Variants in NEK7 observed in about 807,000 individuals in gnomAD.
NEK7 encodes the protein NIMA related kinase 7.
Under a neutral mutation model 44.6 loss-of-function variants are expected in NEK7, and 18 were observed. That is an observed-to-expected ratio of 0.40 (90% CI 0.28 to 0.60). The LOEUF (loss-of-function observed/expected upper bound fraction) is 0.60, where lower values mean the gene tolerates loss of function less well. Ranked by LOEUF, NEK7 falls within the 20% of genes least tolerant of loss-of-function variation. The pLI is 0.38. For synonymous variants in NEK7, 130 were observed against 121.1 expected (o/e 1.07, Z -0.48); for missense variants, 256 against 366.5 (o/e 0.70, Z 2.46).
At chr1:198,198,071 C>T (rs1665296985) in intron 1 of NEK7, 2 of 1,453,538 alleles carry the variant, frequency 1.4e-6, no homozygotes, top group Non-Finnish European at 1.8e-6. Context: ...AAGAAAGGGG[C>T]CTTGGGGAAA....
chr1:198,278,693 A>C (rs962941598), intron 6 of NEK7, among the ~76,000 whole-genome samples: 6 of 151,856 alleles, frequency 4.0e-5, no homozygotes, highest in African/African-American at 1.2e-4. Flanking sequence ...TTTTTTGAAA[A>C]TGGAAAACAA....
chr1:198,212,103 C>T (rs921995785), intron 1 of NEK7, among the ~76,000 whole-genome samples: 2 of 152,224 alleles, frequency 1.3e-5, no homozygotes, highest in Admixed American at 1.3e-4. Flanking sequence ...ATTCCTGATC[C>T]TGTCTCACAG....
At chr1:198,227,159 G>A (rs1666251298) in intron 1 of NEK7, among the ~76,000 whole-genome samples, 1 of 152,042 alleles carries the variant, frequency 6.6e-6, no homozygotes, top group South Asian at 2.1e-4. Context: ...GAGAATGATG[G>A]TTTCCAGCTT....
intron 1 of NEK7, among the ~76,000 whole-genome samples, chr1:198,221,677 C>T (rs1308060526): frequency 6.6e-6 from 1 of 151,732 alleles, no homozygotes; most frequent in Non-Finnish European, 1.5e-5. Context: ...AAGATGTCTA[C>T]AGATGTAGAT....
At chr1:198,311,798 A>G (rs191645445) in intron 9 of NEK7, among the ~76,000 whole-genome samples, 5,476 of 152,234 alleles carry the variant, frequency 0.036, 164 homozygotes, top group Middle Eastern at 0.051. Context: ...CCACTTGATC[A>G]TGGTGGATAA....
intron 9 of NEK7, 53 bp from the exon 10 acceptor site, chr1:198,319,359 C>T (rs1655470028): frequency 2.3e-6 from 3 of 1,307,644 alleles, no homozygotes; most frequent in Non-Finnish European, 2.2e-6. Context: ...TCTCAGTAAA[C>T]TAACCAAAAA....
chr1:198,252,573 G>A (rs9287138), intron 2 of NEK7, among the ~76,000 whole-genome samples: 10,154 of 28,400 alleles, frequency 0.36, 840 homozygotes, highest in East Asian at 0.55. Context: ...TATATAAAAA[G>A]TACATATATA....
rs34192199 is a variant in NEK7, at chr1:198,225,255, CAA to C, written c.-28-7284_-28-7283del. Among the ~76,000 whole-genome samples the C allele has an allele frequency of 1.1e-3, 140 of 133,112 alleles. 1 individual carries two copies. Among genetic ancestry groups the C allele is most frequent in the African/African-American group, 3.0e-3 (114 of 38,278 alleles). The allele number at this position is 133,112 out of a possible 152,430, so 87.3% of individuals were successfully genotyped here. On this transcript the variant is annotated intron_variant, in intron 1 of 9. Coordinates refer to ENST00000367385, the MANE Select transcript of NEK7 (RefSeq NM_133494.3). ...GATGACTTGAGAAGCGTGTAGGTTACAAAAAAAAAAAAAAATTCAGGTCTTGG... is the reference window on the plus strand; with the variant it reads ...GATGACTTGAGAAGCGTGTAGGTTACAAAAAAAAAAAAATTCAGGTCTTGG...
At chr1:198,183,478 C>T (rs1382023553) in intron 1 of NEK7, among the ~76,000 whole-genome samples, 5 of 152,068 alleles carry the variant, frequency 3.3e-5, no homozygotes, top group Admixed American at 1.3e-4. Flanking sequence ...AGGAGGTATT[C>T]TAGGATGATT....
At chr1:198,289,412 GTAAGTGGTACAGAATTT>G (rs753230858) in intron 7 of NEK7, among the ~76,000 whole-genome samples, 6 of 151,980 alleles carry the variant, frequency 3.9e-5, no homozygotes, top group Non-Finnish European at 5.9e-5. Context: ...TAGAGTTTCT[GTAAGTGGTACAGAATTT>G]TAAAGCAAAA....
intron 7 of NEK7, among the ~76,000 whole-genome samples, chr1:198,281,985 C>T (rs1558093240): frequency 1.3e-5 from 2 of 151,988 alleles, no homozygotes; most frequent in Non-Finnish European, 2.9e-5. Flanking sequence ...TTGAAAATTA[C>T]AAATACTAAA....
chr1:198,259,684 G>A lies in NEK7; in HGVS notation c.199-2891G>A, dbSNP rs779287542. Reference sequence around the variant, plus strand: ...TTCAAATTTTTCTGTTTCCATTAGTGTTTGTTTTATTGTTTAACATGTTGA... The same window carrying A: ...TTCAAATTTTTCTGTTTCCATTAGTATTTGTTTTATTGTTTAACATGTTGA... On this transcript the variant is annotated intron_variant, in intron 3 of 9. Coordinates refer to ENST00000367385, the MANE Select transcript of NEK7 (RefSeq NM_133494.3). Among the ~76,000 whole-genome samples the A allele has an allele frequency of 3.2e-4, 48 of 152,028 alleles. 1 individual carries two copies. Among genetic ancestry groups the A allele is most frequent in the Admixed American group, 5.2e-4 (8 of 15,244 alleles).
At chr1:198,252,688 G>GTGTT (rs373906388) in intron 2 of NEK7, among the ~76,000 whole-genome samples, 1 of 148,172 alleles carries the variant, frequency 6.7e-6, no homozygotes, top group African/African-American at 2.5e-5. Flanking sequence ...GTATGTTTAT[G>GTGTT]TATTAAAACA....
At chr1:198,268,762 C>T (rs1418069057) in intron 5 of NEK7, among the ~76,000 whole-genome samples, 1 of 152,108 alleles carries the variant, frequency 6.6e-6, no homozygotes, top group Non-Finnish European at 1.5e-5. Context: ...TTTGTGTATT[C>T]ACATATCCCA....
At position 198,319,426 on chromosome 1, in the gene NEK7, T is replaced by C; in HGVS notation, c.813T>C (p.Val271=). The part of the protein sequence containing the change: ...DHYSEELRQL[V]NMCINPDPEK... ...TTTCTTCACAGCTCCGACAGTTAGT[T>C]AATATGTGCATCAACCCAGATCCAG... is the stretch of plus-strand genomic sequence containing the variant. The change falls in exon 10 of 10, where the codon GTT becomes GTC. Residue 271 remains valine, a synonymous_variant. Coordinates refer to ENST00000367385, the MANE Select transcript of NEK7 (RefSeq NM_133494.3). 1.2e-6 allele frequency: 2 copies of C among 1,611,200 alleles called. No homozygotes were observed. The highest frequency in any genetic ancestry group is 1.7e-6 in the Non-Finnish European group (2 of 1,178,524).
rs966548813 is a variant in NEK7, at chr1:198,186,450, C to A, written c.-29+29174C>A. On this transcript the variant is annotated intron_variant, in intron 1 of 9. Transcript: ENST00000367385. The stretch of plus-strand genomic sequence containing the variant: ...TGTTATTTGCCAGTTATCATACAGG[C>A]TGGCAAGGAATGCTGAGACCTGCTT... Among the ~76,000 whole-genome samples, 4 of 152,266 alleles carry A rather than the reference C, an allele frequency of 2.6e-5. No individual in the cohort carries two copies. The East Asian group carries it at 7.7e-4, about 29-fold the overall frequency.
At position 198,157,161 on chromosome 1, in the gene NEK7, G is replaced by T. The variant is rs1663914683; in HGVS notation, c.-144G>T. The T allele has an allele frequency of 6.6e-6, 1 of 151,654 alleles. No homozygotes were observed. The highest frequency in any genetic ancestry group is 2.4e-5 in the African/African-American group (1 of 41,388). The allele number at this position is 151,654 out of a possible 1,614,324, so 9.4% of individuals were successfully genotyped here. A position where few individuals can be genotyped will look rare whatever the true frequency, so the allele number is the denominator to read the frequency against. The stretch of plus-strand genomic sequence containing the variant: ...GGCGGGAGGTGGCCGACAGGCTCCG[G>T]GCCTCGCAGCCTCAGCCCCCGGCCC... On this transcript the variant is annotated 5_prime_UTR_variant, in exon 1 of 10. Coordinates refer to ENST00000367385, the MANE Select transcript of NEK7 (RefSeq NM_133494.3).
At chr1:198,288,315 A>G (rs1654442153) in intron 7 of NEK7, among the ~76,000 whole-genome samples, 1 of 152,238 alleles carries the variant, frequency 6.6e-6, no homozygotes, top group African/African-American at 2.4e-5. Context: ...TTAACCTCCC[A>G]GCCGCCATAA....
At chr1:198,236,811 A>G (rs1370401187) in intron 2 of NEK7, among the ~76,000 whole-genome samples, 2 of 152,188 alleles carry the variant, frequency 1.3e-5, no homozygotes, top group Non-Finnish European at 2.9e-5. Flanking sequence ...AAACAACAAA[A>G]TGAAACAAAA....
Sources: gnomAD v4.1 joint callset for allele counts (sites outside exome capture counted in the v4.1 genomes callset) on GRCh38, gnomAD v4.1.1 for gene constraint, MANE v1.5 for transcripts, NCBI Gene and HGNC (gene_info 2026-07-23, HGNC 2026-07-21) for gene names.